The following ARG2 variants were observed in gnomAD, a reference collection of about 807,000 sequenced individuals.
ARG2 encodes arginase-2, mitochondrial.
Under a neutral mutation model 39.4 loss-of-function variants are expected in ARG2, and 21 were observed. That is an observed-to-expected ratio of 0.53 (90% CI 0.38 to 0.77). The LOEUF is 0.77. ARG2 is among the 30% of genes least tolerant of loss of function. The pLI, the probability that ARG2 is intolerant of heterozygous loss-of-function variation, is 0.00. For synonymous variants in ARG2, 150 were observed against 156.7 expected (o/e 0.96, Z 0.32); for missense variants, 378 against 426.2 (o/e 0.89, Z 1.00).
chr14:67,638,778 G>C (rs1487013493), intron 2 of ARG2, among the ~76,000 whole-genome samples: 1 of 152,218 alleles, frequency 6.6e-6, no homozygotes, highest in Non-Finnish European at 1.5e-5. Context: ...AGGTTGCTGA[G>C]TGCATAGCTC....
At chr14:67,635,867 A>T (rs11625839) in intron 2 of ARG2, among the ~76,000 whole-genome samples, 20,433 of 152,070 alleles carry the variant, frequency 0.13, 1,387 homozygotes, top group Admixed American at 0.15. Context: ...AATTTTTTTT[A>T]AATTTTAAAT....
In ARG2 at chr14:67,651,151, T is replaced by G; in HGVS notation, c.*231T>G. The G allele has an allele frequency of 1.0e-6, 1 of 954,704 alleles. No homozygotes were observed. The highest frequency in any genetic ancestry group is 1.7e-5 in the South Asian group (1 of 57,260). The allele number at this position is 954,704 out of a possible 1,614,324, so 59.1% of individuals were successfully genotyped here. A position where few individuals can be genotyped will look rare whatever the true frequency, so the allele number is the denominator to read the frequency against. On this transcript the variant is annotated 3_prime_UTR_variant, in exon 8 of 8. Coordinates refer to ENST00000261783, the MANE Select transcript of ARG2 (RefSeq NM_001172.4). The stretch of plus-strand genomic sequence containing the variant: ...AATATGCTACAGTACTATGTAAATT[T>G]AAAGAAGTCATAAACAGCATTTATT...
intron 2 of ARG2, among the ~76,000 whole-genome samples, chr14:67,627,662 T>C (rs912132465): frequency 1.3e-5 from 2 of 152,180 alleles, no homozygotes; most frequent in Non-Finnish European, 2.9e-5. Flanking sequence ...TAGCAAGGCA[T>C]AGTGGCTCAT....
chr14:67,645,551 GGA>G (rs890170654), intron 3 of ARG2, 90 bp from the exon 4 acceptor site: 115 of 1,443,114 alleles, frequency 8.0e-5, no homozygotes, highest in Non-Finnish European at 1.0e-4. Flanking sequence ...TTTGCACTGT[GGA>G]GAGAGTATAA....
chr14:67,631,435 T>C (rs1441259996), intron 2 of ARG2, among the ~76,000 whole-genome samples: 1 of 126,992 alleles, frequency 7.9e-6, no homozygotes, highest in Non-Finnish European at 1.6e-5. Flanking sequence ...TCTTTCTTTC[T>C]TTTTTTTTTT....
chr14:67,635,571 CG>C (rs746986888), intron 2 of ARG2, among the ~76,000 whole-genome samples: 3 of 152,108 alleles, frequency 2.0e-5, no homozygotes, highest in Non-Finnish European at 2.9e-5. Context: ...TCCAGGAATT[CG>C]GCCGGGCACG....
chr14:67,626,003 C>G (rs2036862394), intron 2 of ARG2, among the ~76,000 whole-genome samples: 1 of 152,096 alleles, frequency 6.6e-6, no homozygotes, highest in Admixed American at 6.6e-5. Context: ...CCTGTAATCC[C>G]AGTACTTTGG....
chr14:67,650,835 GAGA>G lies in ARG2; in HGVS notation c.983_985del (p.Glu328del), dbSNP rs781361038. ...ATTGCTTCAAGCTTTGGTCAGACAA[GAGA>G]AGGAGGGCATATTGTCTATGACCAA... On this transcript the variant is annotated inframe_deletion, in exon 8 of 8. Coordinates refer to ENST00000261783, the MANE Select transcript of ARG2 (RefSeq NM_001172.4). The G allele has an allele frequency of 1.1e-5, 17 of 1,614,046 alleles. No homozygotes were observed. Among genetic ancestry groups the G allele is most frequent in the East Asian group, 6.7e-5 (3 of 44,862 alleles).
At position 67,643,611 on chromosome 14, in the gene ARG2, C is replaced by T. The variant is rs566055340; in HGVS notation, c.362+1248C>T. The stretch of plus-strand genomic sequence containing the variant: ...GGCCAAGGTGGGAGGATTGCTTGAG[C>T]CCAGGAGTTTGAGGCCAGTCTGGGC... On this transcript the variant is annotated intron_variant, in intron 3 of 7. Coordinates refer to ENST00000261783, the MANE Select transcript of ARG2 (RefSeq NM_001172.4). Among the ~76,000 whole-genome samples, 76 of 152,216 alleles carry T rather than the reference C, an allele frequency of 5.0e-4. 1 individual carries two copies. The highest frequency in any genetic ancestry group is 1.1e-3 in the Non-Finnish European group (72 of 68,008).
At chr14:67,630,962 G>C (rs983736040) in intron 2 of ARG2, among the ~76,000 whole-genome samples, 1 of 152,152 alleles carries the variant, frequency 6.6e-6, no homozygotes, top group African/African-American at 2.4e-5. Context: ...AAAAAGGGAA[G>C]AATGAATGTT....
At chr14:67,627,256 G>GAT (rs3070464) in intron 2 of ARG2, among the ~76,000 whole-genome samples, 64,758 of 133,394 alleles carry the variant, frequency 0.49, 16,680 homozygotes, top group Non-Finnish European at 0.57. Flanking sequence ...TCAGTAAGGA[G>GAT]ATATATATAT....
chr14:67,646,824 T>G (rs2140781089), intron 5 of ARG2, 86 bp downstream of exon 5: 1 of 1,419,042 alleles, frequency 7.0e-7, no homozygotes, highest in Non-Finnish European at 9.9e-7. Flanking sequence ...CTTGGTCTAT[T>G]GCAGGTCACT....
At position 67,648,346 on chromosome 14, in the gene ARG2, T is replaced by C. The variant is rs1426392464; in HGVS notation, c.859+163T>C. The C allele has an allele frequency of 2.2e-5, 16 of 723,386 alleles. No homozygotes were observed. In the South Asian group the frequency reaches 3.6e-4, roughly 16 times the overall value. 44.8% of individuals were successfully genotyped at this position (723,386 alleles called of 1,614,324 possible). A position where few individuals can be genotyped will look rare whatever the true frequency, so the allele number is the denominator to read the frequency against. On this transcript the variant is annotated intron_variant, in intron 7 of 7. Transcript: ENST00000261783. ...TATGGCCATGCTAATAAAAAGGATA[T>C]AGTCCTTTAGAGTCATGCTTGGACA...
At chr14:67,637,148 A>G (rs1348198212) in intron 2 of ARG2, among the ~76,000 whole-genome samples, 1 of 152,086 alleles carries the variant, frequency 6.6e-6, no homozygotes, top group African/African-American at 2.4e-5. Flanking sequence ...GGTGGCTCAC[A>G]CCTGTAATCC....
At chr14:67,646,515 C>A in intron 4 of ARG2, 129 bp from the exon 5 acceptor site, 1 of 684,832 alleles carries the variant, frequency 1.5e-6, no homozygotes, top group Non-Finnish European at 2.6e-6. Context: ...CAAGTGTGTC[C>A]TGTGTTGCTC....
In ARG2 at chr14:67,631,881, T is replaced by A. The variant is rs185750716; in HGVS notation, c.185-10305T>A. Among the ~76,000 whole-genome samples, 811 of 152,164 alleles carry A rather than the reference T, an allele frequency of 5.3e-3. 4 individuals carry two copies. Among genetic ancestry groups the A allele is most frequent in the African/African-American group, 0.014 (568 of 41,518 alleles). ...GATGCCACCCAAAGCTCTATTTTTT[T>A]AAAAATTTTTTGAGACAGGGTCTTG... On this transcript the variant is annotated intron_variant, in intron 2 of 7. Transcript: ENST00000261783.
At chr14:67,632,367 T>C (rs967485907) in intron 2 of ARG2, among the ~76,000 whole-genome samples, 1 of 152,214 alleles carries the variant, frequency 6.6e-6, no homozygotes, top group Non-Finnish European at 1.5e-5. Flanking sequence ...TACGTGGCAA[T>C]GTTTTTTACA....
rs2037039114 is a variant in ARG2, at chr14:67,642,173, C to T, written c.185-13C>T. On this transcript the variant is annotated splice_polypyrimidine_tract_variant and intron_variant, in intron 2 of 7. Transcript: ENST00000261783. ...ACAGAAAATTCATCTTGTCATCCCT[C>T]ATTTGCTTCCAGGCTGCCACCTAAA... 8 of 1,612,332 alleles carry T rather than the reference C, an allele frequency of 5.0e-6. No homozygotes were observed. Among genetic ancestry groups the T allele is most frequent in the Non-Finnish European group, 6.8e-6 (8 of 1,178,534 alleles).
At chr14:67,620,757 T>C in intron 1 of ARG2, 137 bp from the exon 2 acceptor site, 1 of 772,276 alleles carries the variant, frequency 1.3e-6, no homozygotes, top group East Asian at 2.8e-5. Flanking sequence ...AACAATGGAG[T>C]TGGAAGGACA....
Sources: allele counts gnomAD v4.1 joint callset (sites outside exome capture counted in the v4.1 genomes callset), GRCh38; gene constraint gnomAD v4.1.1; transcripts MANE v1.5; gene names NCBI Gene and HGNC (gene_info 2026-07-23, HGNC 2026-07-21).